CAP2: variants seen among roughly 807,000 people sequenced by gnomAD.
CAP2 encodes the protein cyclase associated actin cytoskeleton regulatory protein 2.
In CAP2, 24 loss-of-function variants were observed where a neutral mutation model predicts 57.7. The ratio of observed to expected loss-of-function variants is 0.42; its 90% CI spans 0.30 to 0.58. The LOEUF (loss-of-function observed/expected upper bound fraction) is 0.58, where lower values mean the gene tolerates loss of function less well. CAP2 is among the 20% of genes least tolerant of loss of function. The pLI is 0.22. For missense variants in CAP2, 501 were observed against 590.3 expected (o/e 0.85, Z 1.57); for synonymous variants, 194 against 207.2 (o/e 0.94, Z 0.55).
At chr6:17,493,775 C>CAAAA in intron 4 of CAP2, among the ~76,000 whole-genome samples, 1 of 103,618 alleles carries the variant, frequency 9.7e-6, no homozygotes, top group Non-Finnish European at 2.1e-5. Context: ...GAGGAGGGGG[C>CAAAA]AAAAAAAAAA....
At position 17,513,978 on chromosome 6, in the gene CAP2, GTGTGTAAAAAA is replaced by G; in HGVS notation, c.636+25_636+35del. 1 of 1,431,070 alleles carries G rather than the reference GTGTGTAAAAAA, an allele frequency of 7.0e-7. No individual in the cohort carries two copies. The highest frequency in any genetic ancestry group is 9.9e-7 in the Non-Finnish European group (1 of 1,013,394). 88.6% of individuals were successfully genotyped at this position (1,431,070 alleles called of 1,614,324 possible). ...CAGTGAGTACGAGGCCTTCCTCCAC[GTGTGTAAAAAA>G]AGGCCATGACTATATATACACCCTG... On this transcript the variant is annotated intron_variant, in intron 7 of 12. Transcript: ENST00000229922. This position sits in a 1 kb window ranked among gnomAD's most constrained non-coding sequence, Gnocchi z 4.3.
At chr6:17,397,141 C>T (rs1020332218) in intron 1 of CAP2, among the ~76,000 whole-genome samples, 2 of 152,086 alleles carry the variant, frequency 1.3e-5, no homozygotes, top group African/African-American at 4.8e-5. Context: ...CTCACTACAA[C>T]CTCCGCCTCT....
Position 17,541,038 on chromosome 6 carries a change from C to A in CAP2, c.892C>A (p.Gln298Lys). Reference sequence around the variant, plus strand: ...TCCCAGCCTGCGGGCTCAAGGAGGGCAAACTCAATCTCCCACCAAAAGTCA... The same window carrying A: ...TCCCAGCCTGCGGGCTCAAGGAGGGAAAACTCAATCTCCCACCAAAAGTCA... ...KNPSLRAQGG[Q>K]TQSPTKSHTP... The change falls in exon 9 of 13, where the codon CAA (glutamine) becomes AAA (lysine). Residue 298 changes from glutamine (Q) to lysine (K), a missense_variant. Coordinates refer to ENST00000229922, the MANE Select transcript of CAP2 (RefSeq NM_006366.3). 1 of 1,614,030 alleles carries A rather than the reference C, an allele frequency of 6.2e-7. No homozygotes were observed. The highest frequency in any genetic ancestry group is 1.7e-4 in the Middle Eastern group (1 of 6,060).
chr6:17,420,355 C>A (rs527704674), intron 1 of CAP2, among the ~76,000 whole-genome samples: 1 of 152,254 alleles, frequency 6.6e-6, no homozygotes, highest in Non-Finnish European at 1.5e-5. Flanking sequence ...TAAATTAAAA[C>A]CCTACATTCA....
chr6:17,508,913 A>G (rs1762064335), intron 6 of CAP2, among the ~76,000 whole-genome samples: 1 of 151,932 alleles, frequency 6.6e-6, no homozygotes, highest in Middle Eastern at 3.2e-3. Flanking sequence ...GCGCACCACC[A>G]CGCCCAGCTA....
At chr6:17,527,957 C>G (rs1329469487) in intron 7 of CAP2, among the ~76,000 whole-genome samples, 1 of 152,102 alleles carries the variant, frequency 6.6e-6, no homozygotes, top group East Asian at 1.9e-4. Context: ...CTGCTTTTAT[C>G]AAAAATTTTT....
chr6:17,547,286 A>G (rs1410406335), intron 11 of CAP2, among the ~76,000 whole-genome samples: 1 of 152,194 alleles, frequency 6.6e-6, no homozygotes, highest in Non-Finnish European at 1.5e-5. Flanking sequence ...GTAAACACAT[A>G]TATATGCACA....
intron 7 of CAP2, among the ~76,000 whole-genome samples, chr6:17,518,944 T>G (rs1157586666): frequency 6.6e-6 from 1 of 151,584 alleles, no homozygotes; most frequent in Non-Finnish European, 1.5e-5. Flanking sequence ...AGCCCAGAGG[T>G]TTTTCAAAAA....
chr6:17,419,356 A>C (rs759420350), intron 1 of CAP2, among the ~76,000 whole-genome samples: 17 of 152,210 alleles, frequency 1.1e-4, no homozygotes, highest in Non-Finnish European at 2.2e-4. Context: ...TCTTTTGCTC[A>C]GAGTGATGCT....
At chr6:17,511,447 TC>T (rs563564594) in intron 6 of CAP2, among the ~76,000 whole-genome samples, 1,939 of 152,190 alleles carry the variant, frequency 0.013, 23 homozygotes, top group Middle Eastern at 0.02. Context: ...TGGCTGTTTT[TC>T]TCTTTCTTTT....
chr6:17,485,559 C>T (rs1761400011), intron 4 of CAP2, among the ~76,000 whole-genome samples: 1 of 152,196 alleles, frequency 6.6e-6, no homozygotes, highest in African/African-American at 2.4e-5. Context: ...CACTCATCTT[C>T]CTTTCTTGTC....
chr6:17,479,595 A>T (rs540768793), intron 4 of CAP2, among the ~76,000 whole-genome samples: 2 of 150,120 alleles, frequency 1.3e-5, no homozygotes, highest in Non-Finnish European at 2.9e-5. Flanking sequence ...AGAGAAAAAG[A>T]TCTGCTTTTT....
At chr6:17,466,769 C>A (rs555624748) in intron 4 of CAP2, among the ~76,000 whole-genome samples, 1 of 152,152 alleles carries the variant, frequency 6.6e-6, no homozygotes, top group African/African-American at 2.4e-5. Context: ...AGTCAAATCT[C>A]GAATTCATAT....
Position 17,471,056 on chromosome 6 carries a change from C to T in CAP2, c.300+7983C>T, listed in dbSNP as rs545937231. Among the ~76,000 whole-genome samples, 32 of 152,244 alleles carry T rather than the reference C, an allele frequency of 2.1e-4. 1 individual carries two copies. The South Asian group carries it at 2.5e-3, about 12-fold the overall frequency. ...AACGATAAGGTGTCAAGTTATTGTC[C>T]AGTATTTTAAAATGCCAAACAAAGT... On this transcript the variant is annotated intron_variant, in intron 4 of 12. Transcript: ENST00000229922.
intron 1 of CAP2, among the ~76,000 whole-genome samples, chr6:17,412,045 C>T (rs568870873): frequency 2.6e-5 from 4 of 152,124 alleles, no homozygotes; most frequent in Non-Finnish European, 5.9e-5. Flanking sequence ...TTTATCCTGG[C>T]CCTGGTCAGC....
At chr6:17,541,469 A>G (rs1762899087) in intron 9 of CAP2, among the ~76,000 whole-genome samples, 1 of 152,020 alleles carries the variant, frequency 6.6e-6, no homozygotes, top group South Asian at 2.1e-4. Flanking sequence ...AATCCCAGCT[A>G]CTTGAGAGGC....
chr6:17,501,877 A>G (rs1029756343), intron 4 of CAP2, among the ~76,000 whole-genome samples: 2 of 152,202 alleles, frequency 1.3e-5, no homozygotes, highest in Admixed American at 6.5e-5. Flanking sequence ...TGCTGAAAAC[A>G]TGCAGTTTGT....
Position 17,539,816 on chromosome 6 carries a change from A to C in CAP2, c.826+358A>C, listed in dbSNP as rs1049224353. Among the ~76,000 whole-genome samples the C allele has an allele frequency of 4.6e-5, 7 of 152,352 alleles. No homozygotes were observed. The Middle Eastern group carries it at 0.01, about 222-fold the overall frequency. On this transcript the variant is annotated intron_variant, in intron 8 of 12. Coordinates refer to ENST00000229922, the MANE Select transcript of CAP2 (RefSeq NM_006366.3). ...AATGGCAGGCTGGGCATGGTGGCTC[A>C]CACCTGTAATCACAGCACTTTGGGA...
chr6:17,472,374 C>G (rs553275500), intron 4 of CAP2, among the ~76,000 whole-genome samples: 5 of 151,914 alleles, frequency 3.3e-5, no homozygotes, highest in African/African-American at 1.2e-4. Flanking sequence ...TGGGTTGGCT[C>G]TCTTCACTAC....
Sources: gnomAD v4.1 joint callset for allele counts (sites outside exome capture counted in the v4.1 genomes callset) on GRCh38, gnomAD v4.1.1 for gene constraint, Gnocchi (gnomAD v3.1) non-coding constraint, MANE v1.5 for transcripts, NCBI Gene and HGNC (gene_info 2026-07-23, HGNC 2026-07-21) for gene names.